Variants in METAP2 observed in about 807,000 individuals in gnomAD.
METAP2 encodes the protein methionine aminopeptidase 2.
METAP2 carries 25 observed loss-of-function variants against 59.4 expected under a neutral mutation model. The ratio of observed to expected loss-of-function variants is 0.42; its 90% CI spans 0.31 to 0.59. The LOEUF is 0.59. METAP2 is among the 20% of genes least tolerant of loss of function. The pLI is 0.16. For synonymous variants in METAP2, 214 were observed against 194.1 expected, an observed-to-expected ratio of 1.10 and a Z score of -0.85; for missense variants, 366 against 581.2, an observed-to-expected ratio of 0.63 and a Z score of 3.81.
intron 2 of METAP2, among the ~76,000 whole-genome samples, chr12:95,478,743 AGT>A (rs1271455780): frequency 6.6e-6 from 1 of 152,184 alleles, no homozygotes. Flanking sequence ...TGGTGGTATA[AGT>A]GTGGGCTGAA....
At chr12:95,474,412 C>T in intron 1 of METAP2, 82 bp downstream of exon 1, 2 of 1,499,686 alleles carry the variant, frequency 1.3e-6, no homozygotes, top group Non-Finnish European at 1.8e-6. Flanking sequence ...GGGCCGGGAC[C>T]GGGGCCCCAG....
intron 8 of METAP2, among the ~76,000 whole-genome samples, chr12:95,506,201 C>G (rs146571165): frequency 0.012 from 1,813 of 152,048 alleles, 21 homozygotes; most frequent in Middle Eastern, 0.037. Context: ...GTGCGCTCAG[C>G]TTCCCGAGTA....
chr12:95,475,470 C>T (rs977558740), intron 1 of METAP2, among the ~76,000 whole-genome samples: 1 of 152,126 alleles, frequency 6.6e-6, no homozygotes, highest in Non-Finnish European at 1.5e-5. Flanking sequence ...AATATGAATT[C>T]TCTCCAGTAG....
intron 7 of METAP2, among the ~76,000 whole-genome samples, chr12:95,500,330 A>G (rs1363651460): frequency 6.6e-6 from 1 of 152,172 alleles, no homozygotes; most frequent in Non-Finnish European, 1.5e-5. Context: ...TTCCCTAGGT[A>G]AGATCATATA....
At chr12:95,495,676 G>A (rs78339268) in intron 6 of METAP2, among the ~76,000 whole-genome samples, 1 of 152,022 alleles carries the variant, frequency 6.6e-6, no homozygotes, top group Non-Finnish European at 1.5e-5. Context: ...TCTGCCCTGC[G>A]TTACTATTTC....
intron 9 of METAP2, 116 bp downstream of exon 9, chr12:95,512,114 A>G (rs2076407333): frequency 3.1e-6 from 2 of 652,710 alleles, no homozygotes; most frequent in Non-Finnish European, 5.0e-6. Context: ...TATCATCCAT[A>G]TTCACCCTGC....
intron 8 of METAP2, among the ~76,000 whole-genome samples, chr12:95,504,557 T>C (rs2076343520): frequency 6.6e-6 from 1 of 152,224 alleles, no homozygotes. Flanking sequence ...AGCGCAGTGG[T>C]GCAACCAGAG....
chr12:95,511,787 C>T, intron 8 of METAP2, 108 bp from the exon 9 acceptor site: 4 of 660,730 alleles, frequency 6.1e-6, no homozygotes, highest in Non-Finnish European at 7.7e-6. Context: ...TTAGTAAAGC[C>T]ATACCTGGTT....
At chr12:95,502,094 C>G (rs2076320546) in intron 7 of METAP2, among the ~76,000 whole-genome samples, 1 of 151,516 alleles carries the variant, frequency 6.6e-6, no homozygotes, top group South Asian at 2.1e-4. Flanking sequence ...CCTCGACCTC[C>G]TGGGCTCAGG....
chr12:95,512,728 A>G (rs903948704), intron 9 of METAP2, 73 bp from the exon 10 acceptor site: 13 of 820,172 alleles, frequency 1.6e-5, no homozygotes, highest in South Asian at 6.4e-5. Flanking sequence ...GAGAGAGAGA[A>G]AGAGAGATGG....
chr12:95,482,231 C>A, intron 2 of METAP2: 1 of 438,572 alleles, frequency 2.3e-6, no homozygotes, highest in Non-Finnish European at 4.6e-6. Flanking sequence ...CACATCTCAG[C>A]TTTCCAAGTA....
At chr12:95,502,448 T>A (rs2076323491) in intron 7 of METAP2, among the ~76,000 whole-genome samples, 1 of 152,224 alleles carries the variant, frequency 6.6e-6, no homozygotes, top group Admixed American at 6.5e-5. Context: ...GTGCTTGAAG[T>A]CTAATTGAGC....
In METAP2 at chr12:95,513,836, C is replaced by T. The variant is rs779188431; in HGVS notation, c.1369C>T (p.Gln457Ter). 1 of 1,614,038 alleles carries T rather than the reference C, an allele frequency of 6.2e-7. No individual in the cohort carries two copies. Among genetic ancestry groups the T allele is most frequent in the Non-Finnish European group, 8.5e-7 (1 of 1,180,032 alleles). The change falls in exon 11 of 11, where the codon CAA (glutamine) becomes TAA (stop). Residue 457 changes from glutamine (Q) to a stop codon, truncating the protein, a stop_gained. Transcript: ENST00000323666. LOFTEE classifies it high-confidence loss of function. ...LCDIKGSYTA[Q>*]FEHTILLRPT... is the part of the protein sequence containing the mutation. ...TGACATTAAAGGATCATATACAGCG[C>T]AATTTGAACATACCATCCTGTTGCG...
intron 2 of METAP2, among the ~76,000 whole-genome samples, chr12:95,476,863 A>C (rs1437069794): frequency 2.6e-5 from 4 of 152,218 alleles, no homozygotes; most frequent in Non-Finnish European, 5.9e-5. Context: ...TTAACCTCAC[A>C]AAACCAAGCA....
chr12:95,484,247 G>A (rs1199346960), intron 3 of METAP2, among the ~76,000 whole-genome samples: 2 of 151,922 alleles, frequency 1.3e-5, no homozygotes, highest in Non-Finnish European at 2.9e-5. Flanking sequence ...AGGTGGAATA[G>A]CCTTCTTTGC....
intron 1 of METAP2, among the ~76,000 whole-genome samples, chr12:95,475,295 G>A (rs2076109933): frequency 6.6e-6 from 1 of 152,214 alleles, no homozygotes; most frequent in Non-Finnish European, 1.5e-5. Flanking sequence ...ATTTTGATTA[G>A]ATAGGAATGG....
In METAP2 at chr12:95,513,944, C is replaced by A. The variant is rs955964738; in HGVS notation, c.*40C>A. On this transcript the variant is annotated 3_prime_UTR_variant, in exon 11 of 11. Coordinates refer to ENST00000323666, the MANE Select transcript of METAP2 (RefSeq NM_006838.4). ...CACCTCAACACCTTTATTTTCTGAG[C>A]TTTGTTGGAAAACATGATACCAGAA... 6.4e-7 allele frequency: 1 copy of A among 1,566,532 alleles called. No individual in the cohort carries two copies. Among genetic ancestry groups the A allele is most frequent in the Non-Finnish European group, 8.7e-7 (1 of 1,155,964 alleles).
chr12:95,490,871 AC>A (rs2140148070), intron 4 of METAP2, among the ~76,000 whole-genome samples: 1 of 152,098 alleles, frequency 6.6e-6, no homozygotes, highest in South Asian at 2.1e-4. Context: ...TGGGGGTTAA[AC>A]TTTTTTCTCT....
chr12:95,511,120 A>T (rs1193506297), intron 8 of METAP2, among the ~76,000 whole-genome samples: 1 of 151,768 alleles, frequency 6.6e-6, no homozygotes, highest in African/African-American at 2.4e-5. Context: ...TCTTACTTCT[A>T]TTTCTTAATT....
Sources: gnomAD v4.1 joint callset for allele counts (sites outside exome capture counted in the v4.1 genomes callset) on GRCh38, gnomAD v4.1.1 for gene constraint, MANE v1.5 for transcripts, NCBI Gene and HGNC (gene_info 2026-07-23, HGNC 2026-07-21) for gene names.